MEIS2: variants seen among roughly 807,000 people sequenced by gnomAD.
MEIS2 encodes the protein Meis homeobox 2, also known as homeobox protein Meis2.
Under a neutral mutation model 58.6 loss-of-function variants are expected in MEIS2, and 9 were observed. That is an observed-to-expected ratio of 0.15 (90% CI 0.09 to 0.27). The LOEUF is 0.27. Among genes scored for constraint, MEIS2 ranks in the 10% least tolerant of loss-of-function variants. The probability of loss-of-function intolerance (pLI) is 1.00; values close to 1 mark genes in which losing one functional copy is unlikely to be tolerated. For synonymous variants in MEIS2, 221 were observed against 228.4 expected (o/e 0.97, Z 0.29); for missense variants, 427 against 635.0 (o/e 0.67, Z 3.52).
intron 8 of MEIS2, among the ~76,000 whole-genome samples, chr15:36,958,773 T>C (rs560095077): frequency 1.3e-5 from 2 of 152,324 alleles, no homozygotes; most frequent in South Asian, 4.1e-4. Flanking sequence ...TTATGCTGCC[T>C]ACATGGCTAA....
At chr15:36,927,963 A>G (rs2141320110) in intron 9 of MEIS2, among the ~76,000 whole-genome samples, 1 of 152,290 alleles carries the variant, frequency 6.6e-6, no homozygotes, top group South Asian at 2.1e-4. Context: ...TGCTGAAAAA[A>G]ATATTTACAG....
chr15:37,069,523 C>A (rs920312990), intron 7 of MEIS2, among the ~76,000 whole-genome samples: 3 of 152,066 alleles, frequency 2.0e-5, no homozygotes, highest in African/African-American at 7.2e-5. Flanking sequence ...CAAGGTATAC[C>A]CAGCCTAATT....
At chr15:36,956,202 A>AT (rs1291199302) in intron 8 of MEIS2, among the ~76,000 whole-genome samples, 101 of 149,926 alleles carry the variant, frequency 6.7e-4, no homozygotes, top group African/African-American at 2.2e-3. Context: ...AAAAAAAAAA[A>AT]AAAAAAAAGA....
intron 7 of MEIS2, among the ~76,000 whole-genome samples, chr15:37,079,422 T>G (rs1313524598): frequency 6.6e-6 from 1 of 152,122 alleles, no homozygotes; most frequent in East Asian, 1.9e-4. Flanking sequence ...ATGAAAACAT[T>G]CCATTGACAG....
chr15:37,074,368 C>A (rs1891097923), intron 7 of MEIS2, among the ~76,000 whole-genome samples: 1 of 152,002 alleles, frequency 6.6e-6, no homozygotes, highest in South Asian at 2.1e-4. Flanking sequence ...AATATTACTT[C>A]ACTGTGTATA....
rs1263725739 is a variant in MEIS2, at chr15:36,892,005, T to C, written c.*168A>G. 2.8e-6 allele frequency: 2 copies of C among 718,922 alleles called. No individual in the cohort carries two copies. Among genetic ancestry groups the C allele is most frequent in the Non-Finnish European group, 2.4e-6 (1 of 422,210 alleles). The allele number at this position is 718,922 out of a possible 1,614,324, so 44.5% of individuals were successfully genotyped here. On this transcript the variant is annotated 3_prime_UTR_variant, in exon 12 of 12. Coordinates refer to ENST00000561208, the MANE Select transcript of MEIS2 (RefSeq NM_170675.5). The stretch of plus-strand genomic sequence containing the variant: ...GTCTCAGTCAGCCCATGATTTCACA[T>C]TTGTGTTCTTGTTGCATTGGTCCTC...
rs1031517719 is a variant in MEIS2, at chr15:37,098,144, A to G, written c.68T>C (p.Met23Thr). 4 of 1,612,854 alleles carry G rather than the reference A, an allele frequency of 2.5e-6. No homozygotes were observed. The highest frequency in any genetic ancestry group is 8.5e-7 in the Non-Finnish European group (1 of 1,179,574). Reference protein sequence around the residue: ...GMDGVGVPASMYGDPHAPRPI... With the variant: ...GMDGVGVPASTYGDPHAPRPI... ...CCGCGGCGCGTGAGGGTCTCCGTAC[A>G]TGGAAGCGGGAACCCCTACTCCGTC... is the stretch of plus-strand genomic sequence containing the variant. The change falls in exon 2 of 12, where the codon ATG (methionine) becomes ACG (threonine). Residue 23 changes from methionine (M) to threonine (T), a missense_variant. Physicochemically the swap from Met to Thr is moderately conservative, Grantham distance 81. Around this residue, in one of 6 missense-constraint regions of MEIS2, gnomAD observed 103 missense variants for 111.8 expected, o/e 0.92. Transcript: ENST00000561208.
intron 9 of MEIS2, among the ~76,000 whole-genome samples, chr15:36,915,063 T>C (rs1208580530): frequency 6.6e-6 from 1 of 152,212 alleles, no homozygotes; most frequent in African/African-American, 2.4e-5. Flanking sequence ...ATTTTAATTC[T>C]CAGCAACAGG....
At chr15:36,972,800 ACT>A (rs1491504952) in intron 8 of MEIS2, 1 of 151,830 alleles carries the variant, frequency 6.6e-6, no homozygotes, top group African/African-American at 2.4e-5. Context: ...ATAGAGATAC[ACT>A]TTTTTTTTTC....
At chr15:37,095,725 T>G in intron 3 of MEIS2, 111 bp from the exon 4 acceptor site, 1 of 1,489,030 alleles carries the variant, frequency 6.7e-7, no homozygotes, top group Non-Finnish European at 9.2e-7. Flanking sequence ...AAAGGGGCTT[T>G]GGCAAAATAC....
At chr15:36,950,522 C>G (rs988835956) in intron 8 of MEIS2, 122 bp from the exon 9 acceptor site, 1 of 899,156 alleles carries the variant, frequency 1.1e-6, no homozygotes, top group African/African-American at 1.7e-5. Context: ...CTACTTGCAT[C>G]TTTTTTATCA....
At chr15:37,088,876 G>A (rs909292060) in intron 6 of MEIS2, among the ~76,000 whole-genome samples, 2 of 151,864 alleles carry the variant, frequency 1.3e-5, no homozygotes, top group Non-Finnish European at 2.9e-5. Context: ...AGAACATTTA[G>A]TATTAAAAAA....
At chr15:37,042,537 C>G (rs1363275905) in intron 7 of MEIS2, among the ~76,000 whole-genome samples, 1 of 152,188 alleles carries the variant, frequency 6.6e-6, no homozygotes, top group East Asian at 1.9e-4. Flanking sequence ...AGTGCTACCA[C>G]CACTGGTATT....
intron 8 of MEIS2, among the ~76,000 whole-genome samples, chr15:36,965,784 C>T (rs930965874): frequency 1.3e-5 from 2 of 152,012 alleles, no homozygotes; most frequent in African/African-American, 2.4e-5. Flanking sequence ...CAACACACTG[C>T]GATAATGACC....
chr15:37,026,606 A>C (rs12913913), intron 8 of MEIS2, among the ~76,000 whole-genome samples: 6,875 of 152,146 alleles, frequency 0.045, 553 homozygotes, highest in African/African-American at 0.15. Context: ...ATGTCAGGCA[A>C]ACCAGATATC....
intron 7 of MEIS2, among the ~76,000 whole-genome samples, chr15:37,048,003 T>C (rs1284968496): frequency 6.6e-6 from 1 of 152,212 alleles, no homozygotes; most frequent in Non-Finnish European, 1.5e-5. Flanking sequence ...TTTTAAAATA[T>C]CCATATTTAA....
chr15:37,008,564 G>C (rs1595914475), intron 8 of MEIS2, among the ~76,000 whole-genome samples: 1 of 152,050 alleles, frequency 6.6e-6, no homozygotes, highest in African/African-American at 2.4e-5. Flanking sequence ...TTAAGTACAC[G>C]AAAAGTTGAG....
At chr15:37,039,823 T>TTAAAC (rs1266776527) in intron 7 of MEIS2, among the ~76,000 whole-genome samples, 1 of 152,208 alleles carries the variant, frequency 6.6e-6, no homozygotes, top group South Asian at 2.1e-4. Context: ...ACACAAAATT[T>TTAAAC]TAAACTAATA....
At chr15:37,059,584 C>T (rs769168733) in intron 7 of MEIS2, among the ~76,000 whole-genome samples, 31 of 151,590 alleles carry the variant, frequency 2.0e-4, no homozygotes, top group South Asian at 6.2e-4. Flanking sequence ...GATACTGAGG[C>T]TTGCAGATAA....
Sources: gnomAD v4.1 joint callset for allele counts (sites outside exome capture counted in the v4.1 genomes callset) on GRCh38, gnomAD v4.1.1 for gene constraint, gnomAD v4.1.1 regional missense constraint, MANE v1.5 for transcripts, NCBI Gene and HGNC (gene_info 2026-07-23, HGNC 2026-07-21) for gene names.